ELAVL2: variants seen among roughly 807,000 people sequenced by gnomAD.
ELAVL2 encodes the protein ELAV like RNA binding protein 2.
ELAVL2 carries 4 observed loss-of-function variants against 34.6 expected under a neutral mutation model. That is an observed-to-expected ratio of 0.12 (90% confidence interval 0.06 to 0.26). The LOEUF (loss-of-function observed/expected upper bound fraction) is 0.26. Ranked by LOEUF, ELAVL2 falls within the 10% of genes least tolerant of loss-of-function variation. The pLI is 1.00. For missense variants in ELAVL2, 432 were observed against 442.8 expected, an observed-to-expected ratio of 0.98 and a Z score of 0.22; for synonymous variants, 193 against 154.8, an observed-to-expected ratio of 1.25 and a Z score of -1.83.
At chr9:23,799,929 A>C (rs2061386626) in intron 1 of ELAVL2, among the ~76,000 whole-genome samples, 1 of 152,176 alleles carries the variant, frequency 6.6e-6, no homozygotes, top group Non-Finnish European at 1.5e-5. Flanking sequence ...CCAAGCCCTC[A>C]CTTTTAAACA....
At chr9:23,809,489 A>T (rs1304188520) in intron 1 of ELAVL2, among the ~76,000 whole-genome samples, 1 of 152,204 alleles carries the variant, frequency 6.6e-6, no homozygotes, top group African/African-American at 2.4e-5. Context: ...AGACATGAGA[A>T]AACATGGGAT....
At chr9:23,709,259 A>C (rs1326753642) in intron 3 of ELAVL2, among the ~76,000 whole-genome samples, 1 of 152,180 alleles carries the variant, frequency 6.6e-6, no homozygotes, top group African/African-American at 2.4e-5. Flanking sequence ...CCTTCCTGGA[A>C]AACATTTCTT....
intron 2 of ELAVL2, among the ~76,000 whole-genome samples, chr9:23,761,177 T>C (rs2054902461): frequency 6.6e-6 from 1 of 152,100 alleles, no homozygotes; most frequent in Admixed American, 6.6e-5. Context: ...CAATTTGGTA[T>C]ACACTATCAA....
At chr9:23,775,754 G>A (rs1376609132) in intron 1 of ELAVL2, among the ~76,000 whole-genome samples, 1 of 152,056 alleles carries the variant, frequency 6.6e-6, no homozygotes, top group African/African-American at 2.4e-5. Flanking sequence ...GCTCTAACAA[G>A]CTCCCAGTAG....
chr9:23,839,129 A>T, the ELAVL2 span, among the ~76,000 whole-genome samples: 2 of 152,186 alleles, frequency 1.3e-5, no homozygotes, highest in Non-Finnish European at 2.9e-5. Flanking sequence ...GATTTATGAC[A>T]TTGGTAGAAC....
chr9:23,749,250 T>C (rs145683318), intron 2 of ELAVL2, among the ~76,000 whole-genome samples: 1 of 152,226 alleles, frequency 6.6e-6, no homozygotes, highest in East Asian at 1.9e-4. Context: ...TAACATACTA[T>C]CATTAATGCA....
Position 23,783,385 on chromosome 9 carries a change from A to T in ELAVL2, c.-15-21136T>A, listed in dbSNP as rs142670433. 18 of 954,942 alleles carry T rather than the reference A, an allele frequency of 1.9e-5. No individual in the cohort carries two copies. In the East Asian group the frequency reaches 1.8e-3, roughly 98 times the overall value. 59.2% of individuals were successfully genotyped at this position (954,942 alleles called of 1,614,324 possible). A position where few individuals can be genotyped will look rare whatever the true frequency, so the allele number is the denominator to read the frequency against. On this transcript the variant is annotated intron_variant, in intron 1 of 6. Transcript: ENST00000397312. ...TGGAGTAACTCCAAGGAAAACCGAA[A>T]GTTAAACTGAAGAAAAACATGTAAC... is the stretch of plus-strand genomic sequence containing the variant.
At chr9:23,780,796 A>T (rs1165939400) in intron 1 of ELAVL2, among the ~76,000 whole-genome samples, 1 of 152,188 alleles carries the variant, frequency 6.6e-6, no homozygotes, top group African/African-American at 2.4e-5. Flanking sequence ...AGACATGGCC[A>T]GGTAAATTAA....
rs141294220 is a variant in ELAVL2, at chr9:23,778,042, A to C, written c.-15-15793T>G. Among the ~76,000 whole-genome samples the C allele has an allele frequency of 2.2e-3, 340 of 152,170 alleles. 1 individual carries two copies. Among genetic ancestry groups the C allele is most frequent in the Middle Eastern group, 0.014 (4 of 294 alleles). ...TATACCTAAGGGCATGGTGAACAAA[A>C]CCCCCCAGAGTGGCTATGACCAGCA... On this transcript the variant is annotated intron_variant, in intron 1 of 6. Coordinates refer to ENST00000397312, the MANE Select transcript of ELAVL2 (RefSeq NM_004432.5).
chr9:23,744,238 G>A (rs141399359), intron 2 of ELAVL2, among the ~76,000 whole-genome samples: 2 of 152,234 alleles, frequency 1.3e-5, no homozygotes, highest in African/African-American at 2.4e-5. Context: ...TCTGATGTGC[G>A]TGTTAGAATC....
intron 1 of ELAVL2, among the ~76,000 whole-genome samples, chr9:23,807,558 C>T (rs1173880439): frequency 2.7e-5 from 4 of 150,584 alleles, no homozygotes; most frequent in Non-Finnish European, 3.0e-5. Context: ...ATTTTAAAAA[C>T]AATTCCAATT....
At chr9:23,751,749 AAT>A (rs1218468722) in intron 2 of ELAVL2, among the ~76,000 whole-genome samples, 1 of 152,216 alleles carries the variant, frequency 6.6e-6, no homozygotes, top group African/African-American at 2.4e-5. Flanking sequence ...AAAGCCCAGT[AAT>A]AGCTCACTGG....
At chr9:23,759,760 A>C (rs981208419) in intron 2 of ELAVL2, among the ~76,000 whole-genome samples, 9 of 102,536 alleles carry the variant, frequency 8.8e-5, no homozygotes, top group Non-Finnish European at 1.6e-4. Flanking sequence ...AGTATTATAT[A>C]TATATATATA....
At chr9:23,730,075 G>A (rs1041937728) in intron 3 of ELAVL2, among the ~76,000 whole-genome samples, 2 of 152,108 alleles carry the variant, frequency 1.3e-5, no homozygotes, top group African/African-American at 4.8e-5. Flanking sequence ...ATATTTGGGA[G>A]CCACATCTAG....
intron 2 of ELAVL2, among the ~76,000 whole-genome samples, chr9:23,734,286 A>G (rs2047298883): frequency 6.6e-6 from 1 of 152,206 alleles, no homozygotes; most frequent in Non-Finnish European, 1.5e-5. Context: ...AAGATAGGCA[A>G]GCCTCCCCAT....
chr9:23,722,391 C>A (rs1464612540), intron 3 of ELAVL2, among the ~76,000 whole-genome samples: 1 of 152,214 alleles, frequency 6.6e-6, no homozygotes, highest in African/African-American at 2.4e-5. Context: ...AATGTTAACT[C>A]ACTTATCTGC....
chr9:23,701,713 C>T (rs916729431), intron 4 of ELAVL2, 109 bp from the exon 5 acceptor site: 10 of 1,135,562 alleles, frequency 8.8e-6, no homozygotes, highest in East Asian at 2.4e-5. Flanking sequence ...TTTTCACCTA[C>T]ATATAACATT....
At chr9:23,811,167 T>G (rs986021390) in intron 1 of ELAVL2, among the ~76,000 whole-genome samples, 1 of 152,082 alleles carries the variant, frequency 6.6e-6, no homozygotes, top group Non-Finnish European at 1.5e-5. Context: ...CACAAAACAA[T>G]GTTTATAAGT....
chr9:23,702,505 G>A (rs1439760976), intron 4 of ELAVL2, among the ~76,000 whole-genome samples: 1 of 151,798 alleles, frequency 6.6e-6, no homozygotes, highest in Non-Finnish European at 1.5e-5. Flanking sequence ...ACCACAGCTG[G>A]TCATCATGAG....
Sources: gnomAD v4.1 joint callset for allele counts (sites outside exome capture counted in the v4.1 genomes callset) on GRCh38, gnomAD v4.1.1 for gene constraint, MANE v1.5 for transcripts, NCBI Gene and HGNC (gene_info 2026-07-23, HGNC 2026-07-21) for gene names.